The following OTUD7A variants were observed in gnomAD, a reference collection of about 807,000 sequenced individuals.
The protein encoded by OTUD7A is OTU domain-containing protein 7A.
In OTUD7A, 12 loss-of-function variants were observed where a neutral mutation model predicts 65.7. That is an observed-to-expected ratio of 0.18 (90% CI 0.12 to 0.30). The LOEUF (loss-of-function observed/expected upper bound fraction) is 0.30. Among genes scored for constraint, OTUD7A ranks in the 10% least tolerant of loss-of-function variants. OTUD7A has a pLI of 1.00. For synonymous variants in OTUD7A, 641 were observed against 586.3 expected (o/e 1.09, Z -1.35); for missense variants, 1,148 against 1,304.8 (o/e 0.88, Z 1.85).
intron 10 of OTUD7A, among the ~76,000 whole-genome samples, chr15:31,496,173 T>C (rs1392428553): frequency 6.6e-6 from 1 of 152,184 alleles, no homozygotes; most frequent in Non-Finnish European, 1.5e-5. Flanking sequence ...CCTCCATTAT[T>C]TTATTCAGAT....
At chr15:31,541,579 TA>T (rs2141135649) in intron 5 of OTUD7A, among the ~76,000 whole-genome samples, 1 of 152,148 alleles carries the variant, frequency 6.6e-6, no homozygotes, top group South Asian at 2.1e-4. Context: ...GGTCAGAAAA[TA>T]AAAATACTTA....
At chr15:31,748,129 T>C (rs933287541) in intron 1 of OTUD7A, among the ~76,000 whole-genome samples, 6 of 152,084 alleles carry the variant, frequency 3.9e-5, no homozygotes, top group African/African-American at 1.2e-4. Context: ...ATTGAGAGAA[T>C]TGATAAAATT....
chr15:31,528,820 T>C (rs181638792), intron 6 of OTUD7A, among the ~76,000 whole-genome samples: 11 of 152,372 alleles, frequency 7.2e-5, no homozygotes, highest in South Asian at 2.1e-4. Flanking sequence ...GTGAATGTCA[T>C]GTGGCAGCTT....
chr15:31,824,768 C>T (rs1896760841), intron 1 of OTUD7A, among the ~76,000 whole-genome samples: 1 of 152,134 alleles, frequency 6.6e-6, no homozygotes, highest in African/African-American at 2.4e-5. Context: ...GATGGCCTGT[C>T]TTATTTTTAT....
At chr15:31,647,758 G>C (rs557915720) in intron 3 of OTUD7A, among the ~76,000 whole-genome samples, 10 of 152,114 alleles carry the variant, frequency 6.6e-5, no homozygotes, top group African/African-American at 2.4e-4. Flanking sequence ...TCACTCTACT[G>C]AGGGACTCAT....
chr15:31,849,931 G>A (rs188491883), intron 1 of OTUD7A, among the ~76,000 whole-genome samples: 1 of 152,168 alleles, frequency 6.6e-6, no homozygotes, highest in East Asian at 1.9e-4. Context: ...GGAGAAATAC[G>A]AACACTTTTA....
At chr15:31,789,116 G>C (rs780629301) in intron 1 of OTUD7A, among the ~76,000 whole-genome samples, 2 of 152,108 alleles carry the variant, frequency 1.3e-5, no homozygotes, top group Admixed American at 1.3e-4. Context: ...TACTCTGAGG[G>C]GAGATATACC....
At chr15:31,606,187 T>G (rs1890233805) in intron 3 of OTUD7A, among the ~76,000 whole-genome samples, 1 of 152,242 alleles carries the variant, frequency 6.6e-6, no homozygotes, top group Non-Finnish European at 1.5e-5. Context: ...ATATTTCACA[T>G]AAACAACTCT....
chr15:31,656,939 C>T (rs879198131), intron 2 of OTUD7A, 44 bp downstream of exon 2: 9 of 152,788 alleles, frequency 5.9e-5, no homozygotes, highest in Non-Finnish European at 1.5e-5. Context: ...CTATTGGGTA[C>T]AATTTTTAGT....
intron 3 of OTUD7A, among the ~76,000 whole-genome samples, chr15:31,622,683 T>G (rs1430134015): frequency 2.6e-5 from 4 of 152,172 alleles, no homozygotes; most frequent in Admixed American, 2.0e-4. Context: ...TTTTCAAGGT[T>G]TTTAACTTCT....
At chr15:31,544,469 T>C (rs1009778225) in intron 5 of OTUD7A, among the ~76,000 whole-genome samples, 2 of 151,766 alleles carry the variant, frequency 1.3e-5, no homozygotes, top group African/African-American at 4.8e-5. Context: ...TTACATGGTC[T>C]GTAAAGCCTA....
intron 1 of OTUD7A, among the ~76,000 whole-genome samples, chr15:31,831,698 A>G (rs1435402607): frequency 6.6e-6 from 1 of 152,262 alleles, no homozygotes; most frequent in Non-Finnish European, 1.5e-5. Context: ...CGTTCACAGT[A>G]GCCTTATTCC....
intron 1 of OTUD7A, among the ~76,000 whole-genome samples, chr15:31,856,904 C>A (rs535717801): frequency 6.6e-6 from 1 of 152,210 alleles, no homozygotes; most frequent in African/African-American, 2.4e-5. Flanking sequence ...TTGGACAGAG[C>A]GCTGTCACTG....
intron 3 of OTUD7A, among the ~76,000 whole-genome samples, chr15:31,639,083 G>A (rs1408780723): frequency 1.3e-5 from 2 of 151,780 alleles, no homozygotes; most frequent in Admixed American, 6.6e-5. Flanking sequence ...GCAGTGAGAC[G>A]AGCTCGCGCC....
chr15:31,553,079 A>C (rs576382186), intron 5 of OTUD7A, among the ~76,000 whole-genome samples: 70 of 152,126 alleles, frequency 4.6e-4, no homozygotes, highest in South Asian at 8.3e-4. Flanking sequence ...CTTCCCGAGA[A>C]CCTTGCCCTC....
chr15:31,753,737 A>AT (rs1229467879), intron 1 of OTUD7A, among the ~76,000 whole-genome samples: 1 of 129,242 alleles, frequency 7.7e-6, no homozygotes, highest in Non-Finnish European at 1.6e-5. Context: ...ATATATATAT[A>AT]TATCTCACAG....
chr15:31,645,182 T>C (rs1357394524), intron 3 of OTUD7A, among the ~76,000 whole-genome samples: 1 of 152,232 alleles, frequency 6.6e-6, no homozygotes, highest in African/African-American at 2.4e-5. Flanking sequence ...GATTAGAAAC[T>C]TTCTCAAGGC....
chr15:31,821,199 A>G (rs1896673806), intron 1 of OTUD7A, among the ~76,000 whole-genome samples: 1 of 137,532 alleles, frequency 7.3e-6, no homozygotes, highest in Non-Finnish European at 1.5e-5. Flanking sequence ...GCAGTGGCGC[A>G]ATCTCAGCTC....
Position 31,726,333 on chromosome 15 carries a change from ACACACACACACACG to A in OTUD7A, c.-99-69270_-99-69257del, listed in dbSNP as rs1477484430. Among the ~76,000 whole-genome samples, 4 of 59,304 alleles carry A rather than the reference ACACACACACACACG, an allele frequency of 6.7e-5. No individual in the cohort carries two copies. In the East Asian group the frequency reaches 1.9e-3, roughly 28 times the overall value. 38.9% of individuals were successfully genotyped at this position (59,304 alleles called of 152,430 possible). On this transcript the variant is annotated intron_variant, in intron 1 of 12. Coordinates refer to ENST00000307050, the MANE Select transcript of OTUD7A (RefSeq NM_001382637.1). Reference sequence around the variant, plus strand: ...GCATTGTCTCTGTCTCTCGAATTACACACACACACACACGCACACACACACACACACACACTTTG... The same window carrying A: ...GCATTGTCTCTGTCTCTCGAATTACACACACACACACACACACACACTTTG...
Sources: gnomAD v4.1 joint callset for allele counts (sites outside exome capture counted in the v4.1 genomes callset) on GRCh38, gnomAD v4.1.1 for gene constraint, MANE v1.5 for transcripts, NCBI Gene and HGNC (gene_info 2026-07-23, HGNC 2026-07-21) for gene names.